DLGAP1: variants seen among roughly 807,000 people sequenced by gnomAD.
DLGAP1 encodes disks large-associated protein 1.
In DLGAP1, 11 loss-of-function variants were observed where a neutral mutation model predicts 90.8. The ratio of observed to expected loss-of-function variants is 0.12; its 90% CI spans 0.08 to 0.20. The LOEUF is 0.20. Ranked by LOEUF, DLGAP1 falls within the 10% of genes least tolerant of loss-of-function variation. DLGAP1 has a pLI of 1.00. For synonymous variants in DLGAP1, 558 were observed against 540.7 expected (o/e 1.03, Z -0.44); for missense variants, 1,050 against 1,333.8 (o/e 0.79, Z 3.31).
At chr18:3,953,117 C>G (rs1045493443) in intron 3 of DLGAP1, among the ~76,000 whole-genome samples, 1 of 152,176 alleles carries the variant, frequency 6.6e-6, no homozygotes, top group African/African-American at 2.4e-5. Context: ...TTTTGAGTAA[C>G]TTATTCTTTA....
intron 7 of DLGAP1, among the ~76,000 whole-genome samples, chr18:3,725,257 T>C (rs903234116): frequency 6.6e-6 from 1 of 152,226 alleles, no homozygotes; most frequent in Non-Finnish European, 1.5e-5. Context: ...ATTTAGACTA[T>C]TGGTATCACC....
chr18:3,814,046 T>C lies in DLGAP1; in HGVS notation c.1172+13A>G. The C allele has an allele frequency of 6.2e-7, 1 of 1,613,340 alleles. No homozygotes were observed. The highest frequency in any genetic ancestry group is 8.5e-7 in the Non-Finnish European group (1 of 1,179,508). On this transcript the variant is annotated intron_variant, in intron 5 of 12. Transcript: ENST00000315677. ...ACCTGGACTATCGCAAGTGCAGGGTTAGGACTACTCACTTGAGTGTGGTGA... is the reference window on the plus strand; with the variant it reads ...ACCTGGACTATCGCAAGTGCAGGGTCAGGACTACTCACTTGAGTGTGGTGA...
intron 5 of DLGAP1, among the ~76,000 whole-genome samples, chr18:3,770,445 T>A (rs992259316): frequency 2.0e-5 from 3 of 152,046 alleles, no homozygotes; most frequent in Non-Finnish European, 4.4e-5. Flanking sequence ...CTTGATGCCA[T>A]AATTAAGGCA....
chr18:3,718,245 G>A (rs1470199910), intron 7 of DLGAP1, among the ~76,000 whole-genome samples: 3 of 151,972 alleles, frequency 2.0e-5, no homozygotes, highest in African/African-American at 7.2e-5. Flanking sequence ...CGGATCACGA[G>A]GTCAGGAGCT....
intron 2 of DLGAP1, among the ~76,000 whole-genome samples, chr18:4,027,762 G>A (rs146509362): frequency 1.8e-4 from 28 of 152,232 alleles, no homozygotes; most frequent in African/African-American, 6.5e-4. Context: ...CAAAAACAGA[G>A]AGATAGCAAA....
intron 2 of DLGAP1, among the ~76,000 whole-genome samples, chr18:4,017,425 TAAATA>T (rs530672694): frequency 3.4e-4 from 52 of 152,318 alleles, no homozygotes; most frequent in African/African-American, 1.3e-3. Context: ...GAGTTCAGCA[TAAATA>T]AAATAATTAT....
chr18:4,348,689 T>C (rs1839765549), intron 1 of DLGAP1, among the ~76,000 whole-genome samples: 1 of 152,132 alleles, frequency 6.6e-6, no homozygotes, highest in Non-Finnish European at 1.5e-5. Context: ...CCGCAAGATC[T>C]TGTAGTGCCA....
At chr18:4,102,631 G>A (rs796305041) in intron 2 of DLGAP1, among the ~76,000 whole-genome samples, 3 of 152,074 alleles carry the variant, frequency 2.0e-5, no homozygotes, top group African/African-American at 4.8e-5. Context: ...AAATGAAGTC[G>A]CTTCCTTCAT....
intron 2 of DLGAP1, among the ~76,000 whole-genome samples, chr18:4,012,282 G>C (rs1031595470): frequency 5.3e-5 from 8 of 152,266 alleles, no homozygotes; most frequent in African/African-American, 1.9e-4. Context: ...ACAGACTTTA[G>C]TGGATCCCCA....
chr18:3,862,487 G>A (rs1461748861), intron 4 of DLGAP1, among the ~76,000 whole-genome samples: 2 of 152,320 alleles, frequency 1.3e-5, no homozygotes, highest in East Asian at 1.9e-4. Flanking sequence ...GAGATATCAC[G>A]TAAGGTGCTG....
intron 1 of DLGAP1, among the ~76,000 whole-genome samples, chr18:4,202,457 C>A (rs1568448329): frequency 6.6e-6 from 1 of 151,996 alleles, no homozygotes; most frequent in Non-Finnish European, 1.5e-5. Flanking sequence ...TCAAGTAACC[C>A]AAAACCCCTT....
chr18:4,210,400 G>C (rs567565279), intron 1 of DLGAP1, among the ~76,000 whole-genome samples: 54 of 152,308 alleles, frequency 3.5e-4, no homozygotes, highest in African/African-American at 9.9e-4. Context: ...TCAGCTCATA[G>C]AGAGTCTTGG....
chr18:3,528,899 G>C (rs1368419222), intron 10 of DLGAP1, among the ~76,000 whole-genome samples: 2 of 152,164 alleles, frequency 1.3e-5, no homozygotes, highest in African/African-American at 4.8e-5. Flanking sequence ...TTGTGGAATG[G>C]AACTGTGTCT....
chr18:3,538,307 C>G (rs545854000), intron 9 of DLGAP1, among the ~76,000 whole-genome samples: 4 of 144,402 alleles, frequency 2.8e-5, no homozygotes, highest in African/African-American at 1.1e-4. Context: ...TTGCTGTTTT[C>G]AAAAAATCAA....
chr18:4,151,515 TAATA>T (rs1353261913), intron 1 of DLGAP1, among the ~76,000 whole-genome samples: 1 of 152,266 alleles, frequency 6.6e-6, no homozygotes, highest in Non-Finnish European at 1.5e-5. Context: ...AATGTTGCTG[TAATA>T]AATAGGCTTG....
At position 3,906,824 on chromosome 18, in the gene DLGAP1, G is replaced by C. The variant is rs551643142; in HGVS notation, c.-72-26684C>G. Among the ~76,000 whole-genome samples, 104 of 152,218 alleles carry C rather than the reference G, an allele frequency of 6.8e-4. 1 individual carries two copies. The highest frequency in any genetic ancestry group is 1.4e-3 in the Non-Finnish European group (94 of 68,044). ...TTGGAATTTATAGATAACACACCAT[G>C]AGTGTGGTTTACGCAAGAAAGAGAA... On this transcript the variant is annotated intron_variant, in intron 3 of 12. Transcript: ENST00000315677.
chr18:4,329,059 ATTTTC>A lies in DLGAP1; in HGVS notation c.-267+125942_-267+125946del, dbSNP rs201467733. Among the ~76,000 whole-genome samples the A allele has an allele frequency of 7.3e-3, 1,106 of 152,022 alleles. 6 individuals are homozygous for A. Among genetic ancestry groups the A allele is most frequent in the Non-Finnish European group, 0.011 (727 of 67,850 alleles). On this transcript the variant is annotated intron_variant, in intron 1 of 12. Transcript: ENST00000315677. The stretch of plus-strand genomic sequence containing the variant: ...ACTTTAAAATGTCCAATGTACCAAC[ATTTTC>A]TTTTATGACTTGTGCTTTTTGCCTC...
At chr18:4,379,697 T>C (rs1301878923) in intron 1 of DLGAP1, among the ~76,000 whole-genome samples, 3 of 152,168 alleles carry the variant, frequency 2.0e-5, no homozygotes, top group African/African-American at 7.2e-5. Flanking sequence ...GTGTTGTATT[T>C]CTTCAATAGT....
rs2049754886 is a variant in DLGAP1, at chr18:3,498,158, A to C, written c.*1027T>G. 1.3e-5 allele frequency: 2 copies of C among 152,204 alleles called. No individual in the cohort carries two copies. The allele number at this position is 152,204 out of a possible 1,614,324, so 9.4% of individuals were successfully genotyped here. On this transcript the variant is annotated 3_prime_UTR_variant, in exon 13 of 13. Coordinates refer to ENST00000315677, the MANE Select transcript of DLGAP1 (RefSeq NM_004746.4). Reference sequence around the variant, plus strand: ...CTTCTCCAAAAACAGCCTTGCTGCCATTTACAGCGCTTTATAAGCAGATAT... The same window carrying C: ...CTTCTCCAAAAACAGCCTTGCTGCCCTTTACAGCGCTTTATAAGCAGATAT...
Sources: allele counts gnomAD v4.1 joint callset (sites outside exome capture counted in the v4.1 genomes callset), GRCh38; gene constraint gnomAD v4.1.1; transcripts MANE v1.5; gene names NCBI Gene and HGNC (gene_info 2026-07-23, HGNC 2026-07-21).